The following CARMIL1 variants were observed in gnomAD, a reference collection of about 807,000 sequenced individuals.
CARMIL1 encodes capping protein regulator and myosin 1 linker 1, also known as F-actin-uncapping protein LRRC16A.
CARMIL1 carries 90 observed loss-of-function variants against 177.1 expected under a neutral mutation model. The observed-to-expected ratio is 0.51, with a 90% CI of 0.43 to 0.61. The LOEUF (loss-of-function observed/expected upper bound fraction) is 0.61, where lower values mean the gene tolerates loss of function less well. Among genes scored for constraint, CARMIL1 ranks in the 20% least tolerant of loss-of-function variants. The probability of loss-of-function intolerance (pLI) is 0.00; values close to 1 mark genes in which losing one functional copy is unlikely to be tolerated. For synonymous variants in CARMIL1, 577 were observed against 606.2 expected (o/e 0.95, Z 0.71); for missense variants, 1,380 against 1,667.0 (o/e 0.83, Z 3.00).
chr6:25,511,190 A>G (rs903485751), intron 20 of CARMIL1, among the ~76,000 whole-genome samples: 1 of 152,204 alleles, frequency 6.6e-6, no homozygotes, highest in African/African-American at 2.4e-5. Flanking sequence ...TAGGGGACCA[A>G]GGAAGTTTTC....
At chr6:25,329,048 A>G (rs979103659) in intron 2 of CARMIL1, among the ~76,000 whole-genome samples, 6 of 152,330 alleles carry the variant, frequency 3.9e-5, no homozygotes, top group African/African-American at 1.4e-4. Context: ...TCAGTGGGCC[A>G]TTTAAAATGA....
intron 17 of CARMIL1, among the ~76,000 whole-genome samples, chr6:25,502,898 A>G (rs1217296492): frequency 1.3e-5 from 2 of 152,214 alleles, no homozygotes; most frequent in African/African-American, 2.4e-5. Context: ...CTTCTCAAAT[A>G]AATTGATAGG....
chr6:25,375,595 G>C (rs1790893944), intron 2 of CARMIL1, among the ~76,000 whole-genome samples: 1 of 152,092 alleles, frequency 6.6e-6, no homozygotes, highest in Non-Finnish European at 1.5e-5. Flanking sequence ...CAAATTTTTT[G>C]CTTTCTCTTC....
chr6:25,618,452 T>C (rs1759465902), intron 36 of CARMIL1, among the ~76,000 whole-genome samples: 1 of 152,230 alleles, frequency 6.6e-6, no homozygotes, highest in African/African-American at 2.4e-5. Context: ...AAGATCTGTC[T>C]ATACAATAGA....
At chr6:25,441,353 G>GTGTGTGTA (rs1554196437) in intron 5 of CARMIL1, among the ~76,000 whole-genome samples, 34 of 139,894 alleles carry the variant, frequency 2.4e-4, no homozygotes, top group Middle Eastern at 3.3e-3. Context: ...GTGTGTGTGT[G>GTGTGTGTA]TGTGTGTGTG....
intron 21 of CARMIL1, among the ~76,000 whole-genome samples, chr6:25,516,361 T>C (rs900020964): frequency 2.0e-5 from 3 of 152,208 alleles, no homozygotes; most frequent in Non-Finnish European, 2.9e-5. Context: ...GTTTCCTAAG[T>C]GTGGCTTTTC....
At chr6:25,457,385 C>T (rs1799633453) in intron 8 of CARMIL1, among the ~76,000 whole-genome samples, 2 of 152,082 alleles carry the variant, frequency 1.3e-5, no homozygotes, top group African/African-American at 4.8e-5. Flanking sequence ...CTCATTTAGG[C>T]CTCTAGGAAT....
intron 2 of CARMIL1, among the ~76,000 whole-genome samples, chr6:25,404,149 C>T (rs1408714164): frequency 9.9e-5 from 15 of 152,226 alleles, no homozygotes; most frequent in Non-Finnish European, 1.5e-5. Context: ...CTGCCTGGCT[C>T]AACAAGGGGC....
chr6:25,606,084 C>G lies in CARMIL1; in HGVS notation c.3658C>G (p.Pro1220Ala), dbSNP rs151246409. The change falls in exon 35 of 37, where the codon CCA (proline) becomes GCA (alanine). Residue 1220 changes from proline (P) to alanine (A), a missense_variant. Transcript: ENST00000329474. ...AGTGCCTAAACTGCACCCAGGTCTT[C>G]CAGAGAACCGCTTTGGTTTGGGAAC... ...GAVPKLHPGL[P>A]ENRFGLGTPE... 4.3e-5 allele frequency: 69 copies of G among 1,613,760 alleles called. No homozygotes were observed. In the African/African-American group the frequency reaches 8.1e-4, roughly 19 times the overall value.
intron 5 of CARMIL1, among the ~76,000 whole-genome samples, chr6:25,443,603 GT>G (rs1562143730): frequency 6.6e-6 from 1 of 152,120 alleles, no homozygotes; most frequent in Non-Finnish European, 1.5e-5. Context: ...TAAAAGTTAC[GT>G]TTACTAAAGT....
At chr6:25,335,105 C>T (rs1191923166) in intron 2 of CARMIL1, among the ~76,000 whole-genome samples, 1 of 152,202 alleles carries the variant, frequency 6.6e-6, no homozygotes, top group Non-Finnish European at 1.5e-5. Context: ...TTTCACTGTC[C>T]TGCATGGGGT....
intron 35 of CARMIL1, among the ~76,000 whole-genome samples, chr6:25,607,451 G>A (rs746208725): frequency 3.9e-5 from 6 of 152,014 alleles, no homozygotes; most frequent in South Asian, 2.1e-4. Context: ...CAATATCCTC[G>A]TCACTGCTCC....
At chr6:25,619,201 A>G (rs1014197182) in intron 36 of CARMIL1, among the ~76,000 whole-genome samples, 17 of 152,064 alleles carry the variant, frequency 1.1e-4, no homozygotes, top group African/African-American at 3.9e-4. Context: ...GCCCACATCT[A>G]TGAGAGGTTC....
chr6:25,587,081 A>T (rs919591959), intron 31 of CARMIL1, among the ~76,000 whole-genome samples: 1 of 151,952 alleles, frequency 6.6e-6, no homozygotes, highest in East Asian at 1.9e-4. Flanking sequence ...ACCTATTTTT[A>T]AAAAAGGAAA....
chr6:25,317,483 A>G (rs775088107), intron 2 of CARMIL1, among the ~76,000 whole-genome samples: 17 of 141,634 alleles, frequency 1.2e-4, no homozygotes, highest in Non-Finnish European at 3.1e-5. Flanking sequence ...TATTGTTTCC[A>G]TATTCTTTTC....
At chr6:25,587,422 T>C (rs963581063) in intron 31 of CARMIL1, among the ~76,000 whole-genome samples, 3 of 152,154 alleles carry the variant, frequency 2.0e-5, no homozygotes, top group Admixed American at 6.5e-5. Flanking sequence ...GTGGGTTTTT[T>C]TTAAAAAACC....
chr6:25,453,375 G>A (rs1161165162), intron 8 of CARMIL1, among the ~76,000 whole-genome samples: 1 of 151,774 alleles, frequency 6.6e-6, no homozygotes, highest in Non-Finnish European at 1.5e-5. Flanking sequence ...ATTTTTTTGT[G>A]ATAGTCCACT....
chr6:25,467,638 C>T lies in CARMIL1; in HGVS notation c.690+1690C>T, dbSNP rs536744887. Among the ~76,000 whole-genome samples the T allele has an allele frequency of 6.6e-5, 10 of 152,184 alleles. No individual in the cohort carries two copies. The South Asian group carries it at 2.1e-3, about 32-fold the overall frequency. ...AGATGTTTAGGACATAAAATATGTA[C>T]CTAATCATTTCAGTCCTGGCAAAAC... On this transcript the variant is annotated intron_variant, in intron 9 of 36. Transcript: ENST00000329474.
At chr6:25,332,775 G>GCACACACACACACA (rs1441062522) in intron 2 of CARMIL1, among the ~76,000 whole-genome samples, 1 of 137,206 alleles carries the variant, frequency 7.3e-6, no homozygotes, top group African/African-American at 2.8e-5. Context: ...ACACACACGC[G>GCACACACACACACA]CACACACACA....
Sources: allele counts gnomAD v4.1 joint callset (sites outside exome capture counted in the v4.1 genomes callset), GRCh38; gene constraint gnomAD v4.1.1; transcripts MANE v1.5; gene names NCBI Gene and HGNC (gene_info 2026-07-23, HGNC 2026-07-21).